The following DTNBP1 variants were observed in gnomAD, a reference collection of about 807,000 sequenced individuals.
DTNBP1 encodes dystrobrevin binding protein 1.
In DTNBP1, 35 loss-of-function variants were observed where a neutral mutation model predicts 42.8. The observed-to-expected ratio is 0.82, with a 90% CI of 0.63 to 1.09. DTNBP1 has a LOEUF of 1.09. DTNBP1 is among the 50% of genes least tolerant of loss of function. The probability of loss-of-function intolerance (pLI) is 0.00; values close to 1 mark genes in which losing one functional copy is unlikely to be tolerated. For synonymous variants in DTNBP1, 171 were observed against 162.2 expected (o/e 1.05, Z -0.41); for missense variants, 457 against 424.2 (o/e 1.08, Z -0.68).
At chr6:15,619,319 TATAA>T (rs1758908596) in intron 5 of DTNBP1, among the ~76,000 whole-genome samples, 1 of 152,190 alleles carries the variant, frequency 6.6e-6, no homozygotes, top group Non-Finnish European at 1.5e-5. Context: ...CACTGTGCCC[TATAA>T]ATATACACAA....
intron 7 of DTNBP1, among the ~76,000 whole-genome samples, chr6:15,567,938 G>A (rs181213572): frequency 3.9e-5 from 6 of 152,214 alleles, no homozygotes; most frequent in Non-Finnish European, 4.4e-5. Context: ...AGAACATTAC[G>A]AGTTGCTATG....
chr6:15,553,644 T>C (rs1000982469), intron 7 of DTNBP1, among the ~76,000 whole-genome samples: 12 of 150,068 alleles, frequency 8.0e-5, no homozygotes, highest in Non-Finnish European at 1.5e-4. Context: ...AATTTTCTTA[T>C]AAAAGCCTAT....
In DTNBP1 at chr6:15,554,538, G is replaced by C. The variant is rs543565271; in HGVS notation, c.512-21143C>G. Reference sequence around the variant, plus strand: ...TTCTCATGAAGGGTTGCAGCCTGTAGGGTGGCCATCCTGACAAGCAGGGAA... The same window carrying C: ...TTCTCATGAAGGGTTGCAGCCTGTACGGTGGCCATCCTGACAAGCAGGGAA... On this transcript the variant is annotated intron_variant, in intron 7 of 9. Transcript: ENST00000344537. Among the ~76,000 whole-genome samples, 220 of 152,270 alleles carry C rather than the reference G, an allele frequency of 1.4e-3. 2 individuals are homozygous for C. Among genetic ancestry groups the C allele is most frequent in the African/African-American group, 5.2e-3 (215 of 41,542 alleles).
intron 8 of DTNBP1, among the ~76,000 whole-genome samples, chr6:15,527,792 C>G (rs1182140402): frequency 6.6e-6 from 1 of 152,108 alleles, no homozygotes; most frequent in Non-Finnish European, 1.5e-5. Context: ...CAAAAGCAAG[C>G]CTAACCAGGA....
At chr6:15,637,871 G>A in intron 3 of DTNBP1, 67 bp from the exon 4 acceptor site, 8 of 1,466,130 alleles carry the variant, frequency 5.5e-6, no homozygotes, top group Non-Finnish European at 7.6e-6. Flanking sequence ...ATCTAAAGAT[G>A]AATGTGGAAT....
chr6:15,582,856 A>C (rs533947068), intron 7 of DTNBP1, among the ~76,000 whole-genome samples: 2 of 152,350 alleles, frequency 1.3e-5, no homozygotes, highest in East Asian at 3.9e-4. Flanking sequence ...ATTCTTAAGA[A>C]TACAAAGGGA....
At chr6:15,582,524 A>T (rs1315845250) in intron 7 of DTNBP1, among the ~76,000 whole-genome samples, 1 of 152,210 alleles carries the variant, frequency 6.6e-6, no homozygotes, top group African/African-American at 2.4e-5. Context: ...ATACTTATAT[A>T]CCTATAATGG....
chr6:15,527,968 A>G (rs1772528645), intron 8 of DTNBP1, among the ~76,000 whole-genome samples: 1 of 152,218 alleles, frequency 6.6e-6, no homozygotes, highest in African/African-American at 2.4e-5. Flanking sequence ...AGTCACTGGT[A>G]ACAGCATTGG....
In DTNBP1 at chr6:15,624,853, A is replaced by G. The variant is rs16876732; in HGVS notation, c.355+2490T>C. Among the ~76,000 whole-genome samples, 422 of 152,280 alleles carry G rather than the reference A, an allele frequency of 2.8e-3. 3 individuals carry two copies. The highest frequency in any genetic ancestry group is 9.9e-3 in the African/African-American group (410 of 41,558). On this transcript the variant is annotated intron_variant, in intron 5 of 9. Coordinates refer to ENST00000344537, the MANE Select transcript of DTNBP1 (RefSeq NM_032122.5). ...CAGTAAATGAGTAAGCATTTAAAAC[A>G]CTAAATGTTTCCAAAATCTAAGACT...
chr6:15,606,734 T>C (rs1014826500), intron 6 of DTNBP1, among the ~76,000 whole-genome samples: 6 of 152,214 alleles, frequency 3.9e-5, no homozygotes, highest in African/African-American at 1.4e-4. Context: ...CATAAGCATA[T>C]CACATATCCA....
intron 5 of DTNBP1, among the ~76,000 whole-genome samples, chr6:15,625,350 A>G (rs570196640): frequency 1.3e-5 from 2 of 152,340 alleles, no homozygotes; most frequent in Admixed American, 6.5e-5. Flanking sequence ...AAATGACTCA[A>G]ATTAATTTAG....
rs183886871 is a variant in DTNBP1 at position 15,652,606 on chromosome 6, T to C, written c.57-466A>G. Among the ~76,000 whole-genome samples the C allele has an allele frequency of 6.6e-4, 100 of 152,196 alleles. 2 individuals carry two copies. Among genetic ancestry groups the C allele is most frequent in the Admixed American group, 6.3e-3 (97 of 15,298 alleles). The stretch of plus-strand genomic sequence containing the variant: ...AAATATTTGAGTGTTTACTATATGT[T>C]AGATACTACAAACGGAAAATCTGTA... On this transcript the variant is annotated intron_variant, in intron 1 of 9. Transcript: ENST00000344537.
intron 6 of DTNBP1, among the ~76,000 whole-genome samples, chr6:15,594,828 C>G (rs1033359050): frequency 4.6e-5 from 7 of 151,830 alleles, no homozygotes; most frequent in African/African-American, 1.7e-4. Flanking sequence ...GAATGTGTGA[C>G]TGTGAGCAGA....
intron 7 of DTNBP1, among the ~76,000 whole-genome samples, chr6:15,542,520 C>A (rs774181074): frequency 7.9e-5 from 12 of 152,014 alleles, no homozygotes; most frequent in African/African-American, 2.9e-4. Context: ...TACAGGCACA[C>A]GCCACCACAC....
At chr6:15,615,183 C>T (rs777145682) in intron 6 of DTNBP1, 84 bp downstream of exon 6, 34 of 1,589,808 alleles carry the variant, frequency 2.1e-5, no homozygotes, top group South Asian at 6.6e-5. Flanking sequence ...TTTTATCAGC[C>T]GGGACTTCTA....
At chr6:15,641,150 C>T (rs77204916) in intron 3 of DTNBP1, among the ~76,000 whole-genome samples, 3,524 of 152,294 alleles carry the variant, frequency 0.023, 88 homozygotes, top group Non-Finnish European at 0.03. Flanking sequence ...TCTTGGAGAG[C>T]CAGACACTTA....
chr6:15,544,167 T>C (rs1773741670), intron 7 of DTNBP1, among the ~76,000 whole-genome samples: 1 of 152,238 alleles, frequency 6.6e-6, no homozygotes. Context: ...AGTGGAATCA[T>C]GTACTATATA....
chr6:15,642,943 C>T (rs193196335), intron 3 of DTNBP1, among the ~76,000 whole-genome samples: 1 of 152,306 alleles, frequency 6.6e-6, no homozygotes, highest in East Asian at 1.9e-4. Flanking sequence ...CACATTAGCT[C>T]TCTAGCAATG....
chr6:15,576,251 C>T (rs138626463), intron 7 of DTNBP1, among the ~76,000 whole-genome samples: 1,830 of 151,746 alleles, frequency 0.012, 22 homozygotes, highest in Non-Finnish European at 0.017. Context: ...CCCGAGTAGC[C>T]GGGATTACAG....
Sources: allele counts gnomAD v4.1 joint callset (sites outside exome capture counted in the v4.1 genomes callset), GRCh38; gene constraint gnomAD v4.1.1; transcripts MANE v1.5; gene names NCBI Gene and HGNC (gene_info 2026-07-23, HGNC 2026-07-21).